Variants in SEPSECS observed in about 807,000 individuals in gnomAD.
The protein encoded by SEPSECS is Sep (O-phosphoserine) tRNA:Sec (selenocysteine) tRNA synthase.
SEPSECS carries 42 observed loss-of-function variants against 52.1 expected under a neutral mutation model. The observed-to-expected ratio is 0.81, with a 90% CI of 0.63 to 1.04. The LOEUF (loss-of-function observed/expected upper bound fraction) is 1.04, where lower values mean the gene tolerates loss of function less well. Among genes scored for constraint, SEPSECS ranks in the 50% least tolerant of loss-of-function variants. The pLI is 0.00. For synonymous variants in SEPSECS, 216 were observed against 211.4 expected (o/e 1.02, Z -0.19); for missense variants, 590 against 610.6 (o/e 0.97, Z 0.36).
In SEPSECS at chr4:25,155,363, A is replaced by T; in HGVS notation, c.548-212T>A. On this transcript the variant is annotated intron_variant, in intron 4 of 10. Coordinates refer to ENST00000382103, the MANE Select transcript of SEPSECS (RefSeq NM_016955.4). ...GGGACTACTACACAATTTTAGGACCATAAGTCTATTTAACACTTGGATATG... is the reference window on the plus strand; with the variant it reads ...GGGACTACTACACAATTTTAGGACCTTAAGTCTATTTAACACTTGGATATG... The T allele has an allele frequency of 6.7e-6, 4 of 593,628 alleles. No homozygotes were observed. In the South Asian group the frequency reaches 8.2e-5, roughly 12 times the overall value. The allele number at this position is 593,628 out of a possible 1,614,324, so 36.8% of individuals were successfully genotyped here. A position where few individuals can be genotyped will look rare whatever the true frequency, so the allele number is the denominator to read the frequency against.
chr4:25,135,397 C>G (rs1728801842), intron 8 of SEPSECS, among the ~76,000 whole-genome samples: 1 of 151,970 alleles, frequency 6.6e-6, no homozygotes, highest in Non-Finnish European at 1.5e-5. Flanking sequence ...CACTGACCCA[C>G]AGAAATACAA....
rs199647164 is a variant in SEPSECS, at chr4:25,156,201, A to T, written c.389-6T>A. On this transcript the variant is annotated splice_polypyrimidine_tract_variant and splice_region_variant and intron_variant, in intron 3 of 10. Coordinates refer to ENST00000382103, the MANE Select transcript of SEPSECS (RefSeq NM_016955.4). Reference sequence around the variant, plus strand: ...GTTGGCTACTGTATGGACACCTACAAATAAGAAGCAAAACAGAAATCTGTT... The same window carrying T: ...GTTGGCTACTGTATGGACACCTACATATAAGAAGCAAAACAGAAATCTGTT... 1.3e-5 allele frequency: 21 copies of T among 1,613,380 alleles called. No homozygotes were observed. The highest frequency in any genetic ancestry group is 1.7e-5 in the Non-Finnish European group (20 of 1,179,510).
chr4:25,157,081 T>C, intron 2 of SEPSECS, 107 bp from the exon 3 acceptor site: 1 of 756,676 alleles, frequency 1.3e-6, no homozygotes, highest in Non-Finnish European at 2.4e-6. Context: ...GGAGCAATAT[T>C]TGGCTGTTAC....
In SEPSECS at chr4:25,154,909, G is replaced by A. The variant is rs555834741; in HGVS notation, c.701+89C>T. 10 of 1,309,422 alleles carry A rather than the reference G, an allele frequency of 7.6e-6. No homozygotes were observed. The African/African-American group carries it at 1.2e-4, about 16-fold the overall frequency. The allele number at this position is 1,309,422 out of a possible 1,614,324, so 81.1% of individuals were successfully genotyped here. ...AACAGACCATTCACCTATTTATTGTGAAGTGTTATTTAAGCATATTTGAGA... is the reference window on the plus strand; with the variant it reads ...AACAGACCATTCACCTATTTATTGTAAAGTGTTATTTAAGCATATTTGAGA... On this transcript the variant is annotated intron_variant, in intron 5 of 10. Coordinates refer to ENST00000382103, the MANE Select transcript of SEPSECS (RefSeq NM_016955.4).
chr4:25,158,888 C>A lies in SEPSECS; in HGVS notation c.269+65G>T, dbSNP rs567816133. 3 of 1,417,302 alleles carry A rather than the reference C, an allele frequency of 2.1e-6. No individual in the cohort carries two copies. In the Admixed American group the frequency reaches 5.0e-5, roughly 24 times the overall value. 87.8% of individuals were successfully genotyped at this position (1,417,302 alleles called of 1,614,324 possible). ...TGATAATCTAATAAGATAAATACTG[C>A]TGCCATTATTTTGAACCAAAAATAA... On this transcript the variant is annotated intron_variant, in intron 2 of 10. Transcript: ENST00000382103.
rs537469632 is a variant in SEPSECS at position 25,144,322 on chromosome 4, C to T, written c.1026+452G>A. 2.6e-4 allele frequency among the ~76,000 whole-genome samples: 32 copies of T among 121,386 alleles called. 2 individuals are homozygous for T. The South Asian group carries it at 6.8e-3, about 26-fold the overall frequency. 79.6% of individuals were successfully genotyped at this position (121,386 alleles called of 152,430 possible). Reference sequence around the variant, plus strand: ...GCCATTGCACTCCAACCCAAGACTCCGCTCAAAAAAAAAAAAAAAAAAAAG... The same window carrying T: ...GCCATTGCACTCCAACCCAAGACTCTGCTCAAAAAAAAAAAAAAAAAAAAG... On this transcript the variant is annotated intron_variant, in intron 8 of 10. Coordinates refer to ENST00000382103, the MANE Select transcript of SEPSECS (RefSeq NM_016955.4).
chr4:25,125,819 T>C (rs1728340526), intron 9 of SEPSECS, 35 bp from the exon 10 acceptor site: 1 of 1,316,284 alleles, frequency 7.6e-7, no homozygotes. Context: ...TAAGCCTTGG[T>C]TTACTGGCAT....
chr4:25,134,724 ATTT>A (rs1363540989), intron 8 of SEPSECS, among the ~76,000 whole-genome samples: 1 of 152,188 alleles, frequency 6.6e-6, no homozygotes, highest in East Asian at 1.9e-4. Flanking sequence ...GCATATTATT[ATTT>A]TTATTTATGG....
chr4:25,128,720 T>C (rs952165603), intron 8 of SEPSECS, among the ~76,000 whole-genome samples: 8 of 151,942 alleles, frequency 5.3e-5, no homozygotes, highest in Non-Finnish European at 1.5e-5. Context: ...AACAAACCCA[T>C]TTGCACTGAG....
intron 1 of SEPSECS, 75 bp downstream of exon 1, chr4:25,160,181 G>C: frequency 6.5e-7 from 1 of 1,540,896 alleles, no homozygotes; most frequent in Non-Finnish European, 8.8e-7. Context: ...CGGTGAGGCA[G>C]CACCAGCGGG....
chr4:25,153,737 A>G (rs991029354), intron 5 of SEPSECS, among the ~76,000 whole-genome samples: 7 of 152,086 alleles, frequency 4.6e-5, no homozygotes, highest in Non-Finnish European at 1.0e-4. Context: ...TTCAAACATT[A>G]CTGTGCATCA....
Position 25,123,448 on chromosome 4 carries a change from A to G in SEPSECS, c.*483T>C, listed in dbSNP as rs555183429. ...CCCACTGCTTTTGAGTCAAAACGAAAGTTTATACCTTGACTCTGCTTCCTT... is the reference window on the plus strand; with the variant it reads ...CCCACTGCTTTTGAGTCAAAACGAAGGTTTATACCTTGACTCTGCTTCCTT... On this transcript the variant is annotated 3_prime_UTR_variant, in exon 11 of 11. Transcript: ENST00000382103. 6.0e-6 allele frequency: 1 copy of G among 166,952 alleles called. No homozygotes were observed. The highest frequency in any genetic ancestry group is 1.4e-4 in the South Asian group (1 of 7,026). The allele number at this position is 166,952 out of a possible 1,614,324, so 10.3% of individuals were successfully genotyped here. A position where few individuals can be genotyped will look rare whatever the true frequency, so the allele number is the denominator to read the frequency against.
At position 25,145,276 on chromosome 4, in the gene SEPSECS, C is replaced by T. The variant is rs980807201; in HGVS notation, c.805-143G>A. ...TTAACCATTTTACAATATATACATG[C>T]ATCAAAACATCAAATTGTACACTGT... On this transcript the variant is annotated intron_variant, in intron 6 of 10. Transcript: ENST00000382103. 35 of 772,076 alleles carry T rather than the reference C, an allele frequency of 4.5e-5. 1 individual carries two copies. Among genetic ancestry groups the T allele is most frequent in the Non-Finnish European group, 7.2e-5 (34 of 470,424 alleles). 47.8% of individuals were successfully genotyped at this position (772,076 alleles called of 1,614,324 possible).
Position 25,125,936 on chromosome 4 carries a change from G to A in SEPSECS, c.1121-152C>T, listed in dbSNP as rs554531829. On this transcript the variant is annotated intron_variant, in intron 9 of 10. Transcript: ENST00000382103. ...TGTACTTAATAAATCTTAGGGATTT[G>A]TTTATATATCAGACAAAAATATTTT... 2.3e-4 allele frequency: 152 copies of A among 655,304 alleles called. 1 individual carries two copies. The South Asian group carries it at 2.6e-3, about 11-fold the overall frequency. 40.6% of individuals were successfully genotyped at this position (655,304 alleles called of 1,614,324 possible).
intron 6 of SEPSECS, among the ~76,000 whole-genome samples, chr4:25,147,352 T>C (rs1021221445): frequency 6.6e-6 from 1 of 152,230 alleles, no homozygotes; most frequent in Admixed American, 6.5e-5. Flanking sequence ...TTGGATTCAC[T>C]ATTGCATCTC....
intron 6 of SEPSECS, among the ~76,000 whole-genome samples, chr4:25,146,280 C>G (rs1413279954): frequency 6.6e-6 from 1 of 152,206 alleles, no homozygotes; most frequent in Non-Finnish European, 1.5e-5. Context: ...GGCCTAATCT[C>G]AGAGTCCAGA....
chr4:25,159,130 T>C (rs537324571), intron 1 of SEPSECS, 23 bp from the exon 2 acceptor site: 34 of 1,440,784 alleles, frequency 2.4e-5, no homozygotes, highest in Admixed American at 1.1e-4. Context: ...AAAAAACTTA[T>C]GATTATATTT....
rs374407543 is a variant in SEPSECS, at chr4:25,127,364, C to T, written c.1027-7G>A. ...ACAAATATGAAAACATTTCCTGCAA[C>T]AACAAAATGTCACATTTAAAACAAA... On this transcript the variant is annotated splice_region_variant and splice_polypyrimidine_tract_variant and intron_variant, in intron 8 of 10. Coordinates refer to ENST00000382103, the MANE Select transcript of SEPSECS (RefSeq NM_016955.4). 98 of 1,597,074 alleles carry T rather than the reference C, an allele frequency of 6.1e-5. No homozygotes were observed. The highest frequency in any genetic ancestry group is 8.2e-5 in the Non-Finnish European group (95 of 1,165,392).
chr4:25,145,687 T>A (rs1257843063), intron 6 of SEPSECS, among the ~76,000 whole-genome samples: 1 of 152,182 alleles, frequency 6.6e-6, no homozygotes, highest in African/African-American at 2.4e-5. Flanking sequence ...CTATAACTAT[T>A]AAGTGGTTTT....
Sources: gnomAD v4.1 joint callset for allele counts (sites outside exome capture counted in the v4.1 genomes callset) on GRCh38, gnomAD v4.1.1 for gene constraint, MANE v1.5 for transcripts, NCBI Gene and HGNC (gene_info 2026-07-23, HGNC 2026-07-21) for gene names.